Variants in DDB2 observed in about 807,000 individuals in gnomAD.
DDB2 encodes damage specific DNA binding protein 2, also known as DNA damage-binding protein 2.
DDB2 carries 27 observed loss-of-function variants against 50.5 expected under a neutral mutation model. That is an observed-to-expected ratio of 0.53 (90% CI 0.39 to 0.74). The LOEUF (loss-of-function observed/expected upper bound fraction) is 0.74. Among genes scored for constraint, DDB2 ranks in the 30% least tolerant of loss-of-function variants. The pLI, the probability that DDB2 is intolerant of heterozygous loss-of-function variation, is 0.00. For synonymous variants in DDB2, 176 were observed against 205.5 expected (o/e 0.86, Z 1.23); for missense variants, 424 against 545.6 (o/e 0.78, Z 2.22).
intron 3 of DDB2, among the ~76,000 whole-genome samples, chr11:47,225,606 AAAAC>A (rs1953547902): frequency 6.6e-6 from 1 of 152,136 alleles, no homozygotes; most frequent in South Asian, 2.1e-4. Flanking sequence ...TTAAAAAAAA[AAAAC>A]AAAAAACTGG....
intron 3 of DDB2, among the ~76,000 whole-genome samples, chr11:47,224,542 G>T (rs1953530728): frequency 6.6e-6 from 1 of 152,046 alleles, no homozygotes; most frequent in South Asian, 2.1e-4. Flanking sequence ...GAGCCACCTT[G>T]CCCAGCCCAT....
At chr11:47,238,683 C>A in intron 9 of DDB2, 117 bp from the exon 10 acceptor site, 1 of 1,112,384 alleles carries the variant, frequency 9.0e-7, no homozygotes, top group Non-Finnish European at 1.3e-6. Flanking sequence ...CAGACTTGAG[C>A]CACCGCGCCC....
intron 9 of DDB2, 124 bp from the exon 10 acceptor site, chr11:47,238,676 A>T: frequency 2.0e-6 from 2 of 1,005,386 alleles, no homozygotes; most frequent in Non-Finnish European, 3.0e-6. Flanking sequence ...GGGATTACAG[A>T]CTTGAGCCAC....
rs115443197 is a variant in DDB2, at chr11:47,221,035, C to T, written c.456+3986C>T. On this transcript the variant is annotated intron_variant, in intron 3 of 9. Coordinates refer to ENST00000256996, the MANE Select transcript of DDB2 (RefSeq NM_000107.3). ...AAAATTAGCCGGGAGTAGTGGTGCACGTCTGTAGTTCCAGCTACTCAGGAA... is the reference window on the plus strand; with the variant it reads ...AAAATTAGCCGGGAGTAGTGGTGCATGTCTGTAGTTCCAGCTACTCAGGAA... 6.3e-3 allele frequency among the ~76,000 whole-genome samples: 961 copies of T among 151,736 alleles called. 13 individuals carry two copies. The highest frequency in any genetic ancestry group is 0.022 in the African/African-American group (912 of 41,380).
At chr11:47,222,414 G>A (rs1953499519) in intron 3 of DDB2, among the ~76,000 whole-genome samples, 1 of 151,898 alleles carries the variant, frequency 6.6e-6, no homozygotes. Context: ...GATGATCATG[G>A]TTCAGCATAG....
At chr11:47,238,460 G>A (rs1201481634) in intron 9 of DDB2, among the ~76,000 whole-genome samples, 2 of 151,760 alleles carry the variant, frequency 1.3e-5, no homozygotes, top group South Asian at 2.1e-4. Flanking sequence ...GTGCAGTGGC[G>A]TGATCTTGGC....
chr11:47,232,082 G>A (rs1433923395), intron 3 of DDB2, among the ~76,000 whole-genome samples: 6 of 152,132 alleles, frequency 3.9e-5, no homozygotes, highest in Non-Finnish European at 8.8e-5. Context: ...GGTGGCTCAC[G>A]CCTGTAATCC....
intron 5 of DDB2, 40 bp from the exon 6 acceptor site, chr11:47,234,717 C>G (rs746073881): frequency 1.2e-6 from 2 of 1,614,024 alleles, no homozygotes; most frequent in Admixed American, 1.7e-5. Flanking sequence ...ACCCCCACCT[C>G]GGTTCTGTGT....
chr11:47,220,011 G>T (rs927393241), intron 3 of DDB2, among the ~76,000 whole-genome samples: 1 of 151,922 alleles, frequency 6.6e-6, no homozygotes, highest in African/African-American at 2.4e-5. Context: ...TGATGGTCTC[G>T]ATCTCCTGAC....
At chr11:47,228,165 A>G (rs1037605722) in intron 3 of DDB2, among the ~76,000 whole-genome samples, 1 of 147,340 alleles carries the variant, frequency 6.8e-6, no homozygotes, top group African/African-American at 2.5e-5. Context: ...AAAAAAGATT[A>G]TGCTGATTTC....
At chr11:47,233,946 A>G (rs1814557350) in intron 4 of DDB2, among the ~76,000 whole-genome samples, 1 of 152,174 alleles carries the variant, frequency 6.6e-6, no homozygotes, top group Non-Finnish European at 1.5e-5. Flanking sequence ...GAAGATATTC[A>G]TAGGGGATGG....
At chr11:47,237,713 G>T (rs3781620) in intron 7 of DDB2, 124 bp from the exon 8 acceptor site, 1 of 962,412 alleles carries the variant, frequency 1.0e-6, no homozygotes, top group Non-Finnish European at 1.6e-6. Flanking sequence ...GAGATTACAG[G>T]TGTGAGCCAC....
chr11:47,233,478 G>A, intron 4 of DDB2: 1 of 199,752 alleles, frequency 5.0e-6, no homozygotes, highest in African/African-American at 2.3e-5. Context: ...GGCCAAGGTG[G>A]GTGGATCACC....
intron 9 of DDB2, 62 bp downstream of exon 9, chr11:47,238,245 C>G: frequency 6.1e-6 from 9 of 1,467,114 alleles, no homozygotes; most frequent in Non-Finnish European, 6.6e-6. Flanking sequence ...AGGTTCAGTG[C>G]GGGCCAGCCT....
rs367648586 is a variant in DDB2 at position 47,234,676 on chromosome 11, C to T, written c.702+4C>T. On this transcript the variant is annotated splice_donor_region_variant and intron_variant, in intron 5 of 9. Transcript: ENST00000256996. Reference sequence around the variant, plus strand: ...GCTGAACATGGACGGCAAAGAGGTGCGTTCTCCGAGGTCCTGCCTTTCCCT... The same window carrying T: ...GCTGAACATGGACGGCAAAGAGGTGTGTTCTCCGAGGTCCTGCCTTTCCCT... 44 of 1,613,972 alleles carry T rather than the reference C, an allele frequency of 2.7e-5. No individual in the cohort carries two copies. The highest frequency in any genetic ancestry group is 8.8e-5 in the South Asian group (8 of 91,080).
At chr11:47,230,656 A>G (rs1473903281) in intron 3 of DDB2, among the ~76,000 whole-genome samples, 1 of 152,182 alleles carries the variant, frequency 6.6e-6, no homozygotes, top group Non-Finnish European at 1.5e-5. Context: ...AATGTTTTAT[A>G]GAGGGAAGGG....
chr11:47,225,420 G>A (rs1255985962), intron 3 of DDB2, among the ~76,000 whole-genome samples: 7 of 151,358 alleles, frequency 4.6e-5, no homozygotes, highest in African/African-American at 1.2e-4. Flanking sequence ...GTGAAACCCC[G>A]TCTCTACTAA....
intron 3 of DDB2, among the ~76,000 whole-genome samples, chr11:47,224,095 A>T (rs1395974640): frequency 6.6e-6 from 1 of 151,806 alleles, no homozygotes; most frequent in Non-Finnish European, 1.5e-5. Flanking sequence ...AATTAAAAAC[A>T]AAACAAAACA....
At position 47,215,186 on chromosome 11, in the gene DDB2, T is replaced by TA; in HGVS notation, c.51dup (p.Arg18ThrfsTer28). The TA allele has an allele frequency of 6.2e-7, 1 of 1,614,000 alleles. No homozygotes were observed. Among genetic ancestry groups the TA allele is most frequent in the Non-Finnish European group, 8.5e-7 (1 of 1,180,010 alleles). On this transcript the variant is annotated frameshift_variant, in exon 1 of 10. Coordinates refer to ENST00000256996, the MANE Select transcript of DDB2 (RefSeq NM_000107.3). LOFTEE classifies it high-confidence loss of function. ...ACCCAGAAGACCTCCGAGATTGTAT[T>TA]ACGCCCCAGGAACAAGAGGAGCAGG...
Sources: allele counts gnomAD v4.1 joint callset (sites outside exome capture counted in the v4.1 genomes callset), GRCh38; gene constraint gnomAD v4.1.1; transcripts MANE v1.5; gene names NCBI Gene and HGNC (gene_info 2026-07-23, HGNC 2026-07-21).